ZSWIM3: variants seen among roughly 807,000 people sequenced by gnomAD.
ZSWIM3 encodes zinc finger SWIM domain-containing protein 3.
In ZSWIM3, 27 loss-of-function variants were observed where a neutral mutation model predicts 47.5. The ratio of observed to expected loss-of-function variants is 0.57; its 90% CI spans 0.42 to 0.78. ZSWIM3 has a LOEUF of 0.78. Among genes scored for constraint, ZSWIM3 ranks in the 30% least tolerant of loss-of-function variants. The pLI is 0.00. For synonymous variants in ZSWIM3, 333 were observed against 333.9 expected, an observed-to-expected ratio of 1.00 and a Z score of 0.03; for missense variants, 689 against 861.3, an observed-to-expected ratio of 0.80 and a Z score of 2.50.
In ZSWIM3 at chr20:45,876,788, CAGCGTACTTGCTCCTA is replaced by C; in HGVS notation, c.233_248del (p.Ala78GlyfsTer6). The C allele has an allele frequency of 6.2e-7, 1 of 1,614,108 alleles. No individual in the cohort carries two copies. The highest frequency in any genetic ancestry group is 1.3e-5 in the African/African-American group (1 of 75,010). ...AGAACGCGGGAGGCAGACATGTGCCCAGCGTACTTGCTCCTAAGGTACAACGAGAGACTAGATAGAC... is the reference window on the plus strand; with the variant it reads ...AGAACGCGGGAGGCAGACATGTGCCCAGGTACAACGAGAGACTAGATAGAC... On this transcript the variant is annotated frameshift_variant, in exon 2 of 2. Transcript: ENST00000255152. LOFTEE classifies it high-confidence loss of function.
rs952804538 is a variant in ZSWIM3, at chr20:45,877,025, A to C, written c.467A>C (p.Gln156Pro). 6.2e-7 allele frequency: 1 copy of C among 1,614,160 alleles called. No individual in the cohort carries two copies. The highest frequency in any genetic ancestry group is 1.1e-5 in the South Asian group (1 of 91,088). ...VEPSFCLDKV[Q>P]VSSKPEQEGI... ...CCATCGTTTTGCCTAGATAAGGTAC[A>C]AGTGTCCTCAAAGCCAGAGCAGGAA... The change falls in exon 2 of 2, where the codon CAA becomes CCA. Residue 156 changes from glutamine to proline, a missense_variant. Transcript: ENST00000255152.
chr20:45,873,552 T>C (rs1355620629), intron 1 of ZSWIM3, among the ~76,000 whole-genome samples: 1 of 152,228 alleles, frequency 6.6e-6, no homozygotes, highest in Admixed American at 6.5e-5. Context: ...ATAAAAGCTG[T>C]AATAATAATA....
At chr20:45,873,628 C>G (rs1017610964) in intron 1 of ZSWIM3, among the ~76,000 whole-genome samples, 1 of 152,178 alleles carries the variant, frequency 6.6e-6, no homozygotes, top group African/African-American at 2.4e-5. Context: ...TTGCCTGTGG[C>G]TCATTTAATC....
At chr20:45,861,606 G>A (rs927914610) in intron 1 of ZSWIM3, among the ~76,000 whole-genome samples, 5 of 152,090 alleles carry the variant, frequency 3.3e-5, no homozygotes, top group South Asian at 2.1e-4. Context: ...ACAAGGTCTC[G>A]CTCTATTGCC....
Position 45,878,317 on chromosome 20 carries a change from A to G in ZSWIM3, c.1759A>G (p.Lys587Glu), listed in dbSNP as rs756438068. The G allele has an allele frequency of 6.2e-7, 1 of 1,614,200 alleles. No individual in the cohort carries two copies. The highest frequency in any genetic ancestry group is 8.5e-7 in the Non-Finnish European group (1 of 1,180,032). The change falls in exon 2 of 2, where the codon AAG becomes GAG. Residue 587 changes from lysine (K) to glutamate (E), a missense_variant. By Grantham distance (56) the Lys-to-Glu change is moderately conservative. Coordinates refer to ENST00000255152, the MANE Select transcript of ZSWIM3 (RefSeq NM_080752.4). ...EAMVCRRWQK[K>E]YQYLLGPNGE... Reference sequence around the variant, plus strand: ...CATGGTGTGCCGCCGGTGGCAGAAGAAGTACCAGTACCTCCTTGGGCCCAA... The same window carrying G: ...CATGGTGTGCCGCCGGTGGCAGAAGGAGTACCAGTACCTCCTTGGGCCCAA...
intron 1 of ZSWIM3, among the ~76,000 whole-genome samples, chr20:45,868,013 C>G (rs1321705762): frequency 6.6e-6 from 1 of 152,202 alleles, no homozygotes; most frequent in Non-Finnish European, 1.5e-5. Context: ...TGCTAACAAA[C>G]TACTTATAAA....
intron 1 of ZSWIM3, among the ~76,000 whole-genome samples, chr20:45,870,745 G>A (rs1307396719): frequency 6.6e-6 from 1 of 151,726 alleles, no homozygotes; most frequent in Non-Finnish European, 1.5e-5. Context: ...CCAGGCTGGA[G>A]TGCAGTGGCG....
At chr20:45,869,193 C>T (rs1467429025) in intron 1 of ZSWIM3, among the ~76,000 whole-genome samples, 2 of 152,100 alleles carry the variant, frequency 1.3e-5, no homozygotes, top group African/African-American at 4.8e-5. Context: ...TAAAGTTCCA[C>T]CCAGATCTTG....
chr20:45,869,604 T>C (rs995858557), intron 1 of ZSWIM3, among the ~76,000 whole-genome samples: 1 of 152,120 alleles, frequency 6.6e-6, no homozygotes, highest in Non-Finnish European at 1.5e-5. Flanking sequence ...TTATTGCAGA[T>C]ACTTAGAAGC....
chr20:45,863,132 G>A (rs552525619), intron 1 of ZSWIM3, among the ~76,000 whole-genome samples: 2 of 150,078 alleles, frequency 1.3e-5, no homozygotes, highest in South Asian at 2.1e-4. Flanking sequence ...TTATGCCACC[G>A]TATGGGCAAT....
At chr20:45,867,470 A>G (rs576061752) in intron 1 of ZSWIM3, among the ~76,000 whole-genome samples, 1 of 152,304 alleles carries the variant, frequency 6.6e-6, no homozygotes, top group African/African-American at 2.4e-5. Context: ...AGAGCTGTTC[A>G]AACTGTTTTG....
chr20:45,859,263 TAGAC>T (rs1985639982), intron 1 of ZSWIM3, among the ~76,000 whole-genome samples: 2 of 152,138 alleles, frequency 1.3e-5, no homozygotes, highest in South Asian at 4.1e-4. Context: ...GCTCCTCAAT[TAGAC>T]AGCCAGGCTA....
chr20:45,863,831 C>T (rs1258535924), intron 1 of ZSWIM3, among the ~76,000 whole-genome samples: 2 of 152,084 alleles, frequency 1.3e-5, no homozygotes, highest in African/African-American at 2.4e-5. Flanking sequence ...AACCCTTTCT[C>T]TACTAAAAAT....
At position 45,878,802 on chromosome 20, in the gene ZSWIM3, CTG is replaced by C; in HGVS notation, c.*158_*159del. On this transcript the variant is annotated 3_prime_UTR_variant, in exon 2 of 2. Transcript: ENST00000255152. ...TACAGTAGAGAGGAAGGGAACTCCA[CTG>C]TGTGACAGTCCTTTCAATCTGCCCC... The C allele has an allele frequency of 1.0e-6, 1 of 992,702 alleles. No homozygotes were observed. Among genetic ancestry groups the C allele is most frequent in the Non-Finnish European group, 1.4e-6 (1 of 699,408 alleles). 61.5% of individuals were successfully genotyped at this position (992,702 alleles called of 1,614,324 possible). A position where few individuals can be genotyped will look rare whatever the true frequency, so the allele number is the denominator to read the frequency against.
intron 1 of ZSWIM3, among the ~76,000 whole-genome samples, chr20:45,868,589 G>T (rs552704064): frequency 1.4e-4 from 21 of 152,044 alleles, no homozygotes; most frequent in Non-Finnish European, 2.1e-4. Flanking sequence ...CACCATGTTG[G>T]CCAGGCTGGT....
chr20:45,862,187 C>T (rs1488017477), intron 1 of ZSWIM3, among the ~76,000 whole-genome samples: 4 of 145,668 alleles, frequency 2.7e-5, no homozygotes, highest in Non-Finnish European at 6.0e-5. Flanking sequence ...TTCGCTCTGT[C>T]GCCAGGCTGG....
At position 45,877,617 on chromosome 20, in the gene ZSWIM3, G is replaced by A. The variant is rs1049116226; in HGVS notation, c.1059G>A (p.Met353Ile). The A allele has an allele frequency of 3.1e-6, 5 of 1,614,090 alleles. No homozygotes were observed. Among genetic ancestry groups the A allele is most frequent in the Non-Finnish European group, 4.2e-6 (5 of 1,180,046 alleles). ...SEASLKNLCQMSQAVLDEDLF... is the reference protein window; with the variant it reads ...SEASLKNLCQISQAVLDEDLF... ...CCAGCCTGAAAAATCTCTGCCAGAT[G>A]TCCCAGGCCGTACTGGATGAGGATC... The change falls in exon 2 of 2, where the codon ATG (methionine) becomes ATA (isoleucine). Residue 353 changes from methionine (M) to isoleucine (I), a missense_variant. Transcript: ENST00000255152.
At chr20:45,867,001 A>ATTTT (rs143983594) in intron 1 of ZSWIM3, among the ~76,000 whole-genome samples, 2,914 of 130,910 alleles carry the variant, frequency 0.022, 144 homozygotes, top group African/African-American at 0.054. Flanking sequence ...TCAAGTTAGA[A>ATTTT]ATTTTTTTTT....
chr20:45,876,675 G>T, intron 1 of ZSWIM3, 39 bp from the exon 2 acceptor site: 1 of 1,580,196 alleles, frequency 6.3e-7, no homozygotes, highest in South Asian at 1.2e-5. Flanking sequence ...GGTGGGGGGT[G>T]GTCAGCACCT....
Sources: gnomAD v4.1 joint callset for allele counts (sites outside exome capture counted in the v4.1 genomes callset) on GRCh38, gnomAD v4.1.1 for gene constraint, MANE v1.5 for transcripts, NCBI Gene and HGNC (gene_info 2026-07-23, HGNC 2026-07-21) for gene names.